HIPK2: variants seen among roughly 807,000 people sequenced by gnomAD.
HIPK2 encodes homeodomain-interacting protein kinase 2.
A neutral mutation model predicts 113.7 loss-of-function variants in HIPK2; 27 were observed. The ratio of observed to expected loss-of-function variants is 0.24; its 90% confidence interval spans 0.17 to 0.33. The LOEUF (loss-of-function observed/expected upper bound fraction) is 0.33, where lower values mean the gene tolerates loss of function less well. Among genes scored for constraint, HIPK2 ranks in the 10% least tolerant of loss-of-function variants. HIPK2 has a pLI of 1.00. For missense variants in HIPK2, 1,257 were observed against 1,588.0 expected (o/e 0.79, Z 3.54); for synonymous variants, 631 against 642.2 (o/e 0.98, Z 0.26).
chr7:139,595,826 A>G (rs996399793), intron 12 of HIPK2, among the ~76,000 whole-genome samples: 3 of 152,256 alleles, frequency 2.0e-5, no homozygotes, highest in Admixed American at 6.5e-5. Flanking sequence ...GCATCCAATC[A>G]GGAATTAATA....
intron 2 of HIPK2, among the ~76,000 whole-genome samples, chr7:139,650,141 G>A (rs556705741): frequency 7.3e-4 from 111 of 152,246 alleles, no homozygotes; most frequent in Non-Finnish European, 1.4e-3. Context: ...CCTGAGGTCA[G>A]GAGATCAAGA....
intron 11 of HIPK2, 143 bp downstream of exon 11, chr7:139,600,274 C>A (rs760538662): frequency 1.5e-4 from 148 of 957,376 alleles, no homozygotes; most frequent in Non-Finnish European, 2.1e-4. Flanking sequence ...GGATGTTTTG[C>A]TAGTCACTGC....
At chr7:139,704,709 G>C (rs1213912797) in intron 2 of HIPK2, among the ~76,000 whole-genome samples, 1 of 152,186 alleles carries the variant, frequency 6.6e-6, no homozygotes, top group South Asian at 2.1e-4. Flanking sequence ...TTTGACCCTA[G>C]TGATGTCAGT....
intron 2 of HIPK2, among the ~76,000 whole-genome samples, chr7:139,634,781 G>T (rs1012593243): frequency 7.4e-5 from 11 of 149,374 alleles, no homozygotes; most frequent in Admixed American, 6.0e-4. Context: ...GGGTTCAAGC[G>T]ATTCTCGTGC....
At chr7:139,762,552 C>G (rs1016750811) in intron 1 of HIPK2, among the ~76,000 whole-genome samples, 3 of 152,194 alleles carry the variant, frequency 2.0e-5, no homozygotes, top group Admixed American at 2.0e-4. Context: ...TTTGACAATA[C>G]GGATACACGT....
intron 2 of HIPK2, among the ~76,000 whole-genome samples, chr7:139,672,873 T>C (rs573470921): frequency 1.3e-5 from 2 of 152,318 alleles, no homozygotes; most frequent in African/African-American, 4.8e-5. Context: ...CTTTAACTTC[T>C]GTATTAATAA....
At position 139,748,483 on chromosome 7, in the gene HIPK2, C is replaced by T. The variant is rs117212948; in HGVS notation, c.19+29122G>A. On this transcript the variant is annotated intron_variant, in intron 1 of 14. Transcript: ENST00000406875. ...CGGCTCCCTCCGAGGCTGTGAGGGA[C>T]GGTGTGTTCCATGCCTCTCTCCTAG... is the stretch of plus-strand genomic sequence containing the variant. 5.4e-4 allele frequency among the ~76,000 whole-genome samples: 82 copies of T among 151,966 alleles called. No homozygotes were observed. The East Asian group carries it at 0.016, about 29-fold the overall frequency.
At chr7:139,650,985 G>A (rs767039697) in intron 2 of HIPK2, among the ~76,000 whole-genome samples, 14 of 152,216 alleles carry the variant, frequency 9.2e-5, no homozygotes, top group Non-Finnish European at 1.5e-4. Context: ...GCACAGCAAC[G>A]GTGAGATAAT....
intron 1 of HIPK2, among the ~76,000 whole-genome samples, chr7:139,726,894 G>A (rs188336730): frequency 6.6e-6 from 1 of 152,322 alleles, no homozygotes; most frequent in East Asian, 1.9e-4. Context: ...TGCCCCAAAG[G>A]GACTAAGAGA....
intron 2 of HIPK2, among the ~76,000 whole-genome samples, chr7:139,669,041 C>T (rs562504617): frequency 5.3e-5 from 8 of 152,198 alleles, no homozygotes; most frequent in Non-Finnish European, 8.8e-5. Context: ...GCCAATTCCA[C>T]GTTCTTATCC....
intron 2 of HIPK2, among the ~76,000 whole-genome samples, chr7:139,677,216 G>A (rs1226078622): frequency 6.6e-6 from 1 of 150,760 alleles, no homozygotes; most frequent in Non-Finnish European, 1.5e-5. Flanking sequence ...TGTGTATGTA[G>A]AGAGAGAGGG....
At position 139,627,214 on chromosome 7, in the gene HIPK2, G is replaced by C. The variant is rs550284745; in HGVS notation, c.1435-429C>G. Among the ~76,000 whole-genome samples the C allele has an allele frequency of 6.6e-5, 10 of 152,264 alleles. No homozygotes were observed. The East Asian group carries it at 1.9e-3, about 29-fold the overall frequency. ...CTGTACCCTTAACAAAGGCTAAGAT[G>C]ATAAATTTTATGCTATGTGTGTGTT... On this transcript the variant is annotated intron_variant, in intron 5 of 14. Transcript: ENST00000406875.
intron 2 of HIPK2, among the ~76,000 whole-genome samples, chr7:139,637,419 T>C (rs943481867): frequency 1.3e-5 from 2 of 152,218 alleles, no homozygotes; most frequent in South Asian, 4.1e-4. Context: ...TTCCTTTCCA[T>C]TTGCAAGAGT....
rs139420133 is a variant in HIPK2 at position 139,772,160 on chromosome 7, T to G, written c.19+5445A>C. On this transcript the variant is annotated intron_variant, in intron 1 of 14. Coordinates refer to ENST00000406875, the MANE Select transcript of HIPK2 (RefSeq NM_022740.5). Reference sequence around the variant, plus strand: ...AGGCTTTTCTTTTTCCACAATTCCCTGAATGATCTGCTCTGGGTAAGTAGC... The same window carrying G: ...AGGCTTTTCTTTTTCCACAATTCCCGGAATGATCTGCTCTGGGTAAGTAGC... Among the ~76,000 whole-genome samples the G allele has an allele frequency of 8.0e-4, 122 of 152,334 alleles. 2 individuals are homozygous for G. Among genetic ancestry groups the G allele is most frequent in the Admixed American group, 9.2e-4 (14 of 15,298 alleles).
intron 12 of HIPK2, among the ~76,000 whole-genome samples, chr7:139,586,506 T>C (rs1357817711): frequency 6.6e-6 from 1 of 152,060 alleles, no homozygotes; most frequent in East Asian, 1.9e-4. Context: ...GGGTGGCTCA[T>C]GCCTGTAATC....
At chr7:139,577,082 C>CT (rs1798516061) in intron 13 of HIPK2, among the ~76,000 whole-genome samples, 1 of 150,700 alleles carries the variant, frequency 6.6e-6, no homozygotes, top group African/African-American at 2.4e-5. Context: ...AATGCAAGCA[C>CT]TTTTGTAATG....
At chr7:139,675,796 G>C (rs552512245) in intron 2 of HIPK2, among the ~76,000 whole-genome samples, 1 of 152,266 alleles carries the variant, frequency 6.6e-6, no homozygotes, top group East Asian at 1.9e-4. Flanking sequence ...AGAAGGACAA[G>C]GCTTTCTGGC....
Position 139,568,763 on chromosome 7 carries a change from A to G in HIPK2, c.*4164T>C, listed in dbSNP as rs1798169662. 6.6e-6 allele frequency: 1 copy of G among 152,256 alleles called. No individual in the cohort carries two copies. The highest frequency in any genetic ancestry group is 1.5e-5 in the Non-Finnish European group (1 of 68,064). The allele number at this position is 152,256 out of a possible 1,614,324, so 9.4% of individuals were successfully genotyped here. ...AATGGCAGATTCGGCCAGGTATGCA[A>G]TTGGGCATCCAGGGAGCTGGCCTCT... On this transcript the variant is annotated 3_prime_UTR_variant, in exon 15 of 15. Coordinates refer to ENST00000406875, the MANE Select transcript of HIPK2 (RefSeq NM_022740.5).
intron 1 of HIPK2, among the ~76,000 whole-genome samples, chr7:139,761,938 A>G (rs1796471393): frequency 6.6e-6 from 1 of 152,106 alleles, no homozygotes; most frequent in Non-Finnish European, 1.5e-5. Flanking sequence ...CTGGACAGAG[A>G]CAGAGAGAGA....
Sources: gnomAD v4.1 joint callset for allele counts (sites outside exome capture counted in the v4.1 genomes callset) on GRCh38, gnomAD v4.1.1 for gene constraint, MANE v1.5 for transcripts, NCBI Gene and HGNC (gene_info 2026-07-23, HGNC 2026-07-21) for gene names.